MGAT4A: variants seen among roughly 807,000 people sequenced by gnomAD.
The protein encoded by MGAT4A is alpha-1,3-mannosyl-glycoprotein 4-beta-N-acetylglucosaminyltransferase A.
MGAT4A carries 33 observed loss-of-function variants against 74.1 expected under a neutral mutation model. That is an observed-to-expected ratio of 0.45 (90% CI 0.34 to 0.60). The LOEUF is 0.60. Among genes scored for constraint, MGAT4A ranks in the 20% least tolerant of loss-of-function variants. The probability of loss-of-function intolerance (pLI) is 0.02; values close to 1 mark genes in which losing one functional copy is unlikely to be tolerated. For missense variants in MGAT4A, 479 were observed against 628.3 expected (o/e 0.76, Z 2.54); for synonymous variants, 198 against 210.4 (o/e 0.94, Z 0.51).
chr2:98,671,943 C>CAAAAAAAAAAA (rs59955000), intron 4 of MGAT4A, among the ~76,000 whole-genome samples: 2 of 28,640 alleles, frequency 7.0e-5, no homozygotes, highest in Non-Finnish European at 1.3e-4. Flanking sequence ...GTGGAAAAGG[C>CAAAAAAAAAAA]AAAAAAAAAA....
At chr2:98,680,190 C>T (rs571488048) in intron 2 of MGAT4A, among the ~76,000 whole-genome samples, 35 of 151,904 alleles carry the variant, frequency 2.3e-4, no homozygotes, top group African/African-American at 6.5e-4. Flanking sequence ...ATTACAGGCG[C>T]GCGCCACCAC....
chr2:98,620,805 G>C lies in MGAT4A; in HGVS notation c.*4761C>G, dbSNP rs1195368491. The C allele has an allele frequency of 6.6e-6, 1 of 152,136 alleles. No individual in the cohort carries two copies. Among genetic ancestry groups the C allele is most frequent in the African/African-American group, 2.4e-5 (1 of 41,412 alleles). The allele number at this position is 152,136 out of a possible 1,614,324, so 9.4% of individuals were successfully genotyped here. On this transcript the variant is annotated 3_prime_UTR_variant, in exon 16 of 16. Coordinates refer to ENST00000393487, the MANE Select transcript of MGAT4A (RefSeq NM_012214.3). ...TCAGAGCAGTCTAAATCAGTATAAA[G>C]TAACACCTCTTCTAGAAATAAAAAA...
chr2:98,683,886 T>G (rs1702095886), intron 2 of MGAT4A, among the ~76,000 whole-genome samples: 1 of 152,204 alleles, frequency 6.6e-6, no homozygotes, highest in African/African-American at 2.4e-5. Context: ...GTATTTAGTT[T>G]CTAGCCCGGA....
At chr2:98,713,743 T>C (rs1209364280) in intron 2 of MGAT4A, among the ~76,000 whole-genome samples, 1 of 152,226 alleles carries the variant, frequency 6.6e-6, no homozygotes, top group Non-Finnish European at 1.5e-5. Context: ...ATACCTTTTT[T>C]ACTGTTCTGA....
At chr2:98,725,978 TTTAGAA>T in intron 2 of MGAT4A, 1 of 416,306 alleles carries the variant, frequency 2.4e-6, no homozygotes, top group Non-Finnish European at 4.2e-6. Context: ...TTGGCTGTCT[TTTAGAA>T]TATAAAACAC....
In MGAT4A at chr2:98,731,010, G is replaced by A. The variant is rs1016090946; in HGVS notation, c.-236+38C>T. The A allele has an allele frequency of 4.1e-4, 8 of 19,752 alleles. No homozygotes were observed. The East Asian group carries it at 5.8e-3, about 14-fold the overall frequency. 1.2% of individuals were successfully genotyped at this position (19,752 alleles called of 1,614,324 possible). On this transcript the variant is annotated intron_variant, in intron 1 of 15. Transcript: ENST00000393487. This position sits in a 1 kb window ranked among gnomAD's most constrained non-coding sequence, Gnocchi z 4.8. The stretch of plus-strand genomic sequence containing the variant: ...GCGCAGCCGCCCCGCGCCCCCTCCC[G>A]CCCCCGCGCGCCGCCGCTGCCGCCG...
intron 2 of MGAT4A, among the ~76,000 whole-genome samples, chr2:98,712,200 C>T (rs536878381): frequency 6.6e-6 from 1 of 152,336 alleles, no homozygotes; most frequent in South Asian, 2.1e-4. Flanking sequence ...ACAGCGAATA[C>T]CTTTCTCCCC....
chr2:98,655,761 A>C, intron 7 of MGAT4A: 2 of 358,734 alleles, frequency 5.6e-6, no homozygotes, highest in South Asian at 5.5e-5. Context: ...TGAGGAAAAA[A>C]ATGAGTCTAA....
At chr2:98,656,221 C>T in intron 7 of MGAT4A, 131 bp downstream of exon 7, 1 of 708,610 alleles carries the variant, frequency 1.4e-6, no homozygotes, top group Admixed American at 2.7e-5. Flanking sequence ...CGGTCCTGGA[C>T]TTAATGAGAC....
At chr2:98,725,922 T>C (rs1702756043) in intron 2 of MGAT4A, 5 of 401,400 alleles carry the variant, frequency 1.2e-5, no homozygotes, top group Non-Finnish European at 2.2e-5. Context: ...TAATTATGTT[T>C]AGTAAAAAGA....
At chr2:98,649,425 C>T (rs191992994) in intron 8 of MGAT4A, among the ~76,000 whole-genome samples, 3 of 152,238 alleles carry the variant, frequency 2.0e-5, no homozygotes, top group Admixed American at 1.3e-4. Flanking sequence ...ACTCAATTCC[C>T]GACTTCTCCC....
chr2:98,652,391 C>T (rs988472334), intron 8 of MGAT4A, among the ~76,000 whole-genome samples: 2 of 145,178 alleles, frequency 1.4e-5, no homozygotes, highest in South Asian at 2.2e-4. Context: ...AGTGCAGTGG[C>T]GCTATCTCGG....
rs778595164 is a variant in MGAT4A at position 98,680,040 on chromosome 2, C to CTT, written c.95-1571_95-1570dup. 5.8e-3 allele frequency among the ~76,000 whole-genome samples: 764 copies of CTT among 131,028 alleles called. 28 individuals are homozygous for CTT. The highest frequency in any genetic ancestry group is 0.02 in the African/African-American group (692 of 35,402). The allele number at this position is 131,028 out of a possible 152,430, so 86.0% of individuals were successfully genotyped here. On this transcript the variant is annotated intron_variant, in intron 2 of 15. Coordinates refer to ENST00000393487, the MANE Select transcript of MGAT4A (RefSeq NM_012214.3). ...GACACCTAAACAAACCTTAGAAAGG[C>CTT]TTTTTTTTTTTTTTTTCTGAGACAG...
chr2:98,688,006 C>G (rs1254176131), intron 2 of MGAT4A, among the ~76,000 whole-genome samples: 2 of 152,206 alleles, frequency 1.3e-5, no homozygotes, highest in Admixed American at 6.5e-5. Flanking sequence ...CCACCCTTGT[C>G]TGACTCTTCC....
At chr2:98,652,777 A>G (rs1701601276) in intron 8 of MGAT4A, among the ~76,000 whole-genome samples, 1 of 152,000 alleles carries the variant, frequency 6.6e-6, no homozygotes, top group Non-Finnish European at 1.5e-5. Context: ...CACCATGCCC[A>G]GTGAATTTTT....
intron 4 of MGAT4A, among the ~76,000 whole-genome samples, chr2:98,669,429 C>T (rs907348203): frequency 3.3e-5 from 5 of 152,164 alleles, no homozygotes; most frequent in South Asian, 2.1e-4. Context: ...GAGGCCGCCC[C>T]AGCCACGTGG....
chr2:98,714,035 C>G (rs1702556580), intron 2 of MGAT4A, among the ~76,000 whole-genome samples: 1 of 152,220 alleles, frequency 6.6e-6, no homozygotes, highest in Non-Finnish European at 1.5e-5. Context: ...TCTGAAACTA[C>G]TGTACATATA....
Position 98,622,032 on chromosome 2 carries a change from C to T in MGAT4A, c.*3534G>A, listed in dbSNP as rs1474128178. ...AATCACACTGTCTGTTCTGACTACACAGTATGGTACAGCGCGTGATGTGGA... is the reference window on the plus strand; with the variant it reads ...AATCACACTGTCTGTTCTGACTACATAGTATGGTACAGCGCGTGATGTGGA... On this transcript the variant is annotated 3_prime_UTR_variant, in exon 16 of 16. Coordinates refer to ENST00000393487, the MANE Select transcript of MGAT4A (RefSeq NM_012214.3). 6 of 985,902 alleles carry T rather than the reference C, an allele frequency of 6.1e-6. No homozygotes were observed. The highest frequency in any genetic ancestry group is 9.4e-5 in the South Asian group (2 of 21,316). The allele number at this position is 985,902 out of a possible 1,614,324, so 61.1% of individuals were successfully genotyped here. A position where few individuals can be genotyped will look rare whatever the true frequency, so the allele number is the denominator to read the frequency against.
chr2:98,683,549 T>C lies in MGAT4A; in HGVS notation c.95-5078A>G, dbSNP rs1026478046. On this transcript the variant is annotated intron_variant, in intron 2 of 15. Transcript: ENST00000393487. ...TCCTTGCAACTCTTCATTTCATCAT[T>C]TTTTTTTTTAATACAATGATGCTTT... Among the ~76,000 whole-genome samples the C allele has an allele frequency of 2.8e-5, 4 of 140,454 alleles. No homozygotes were observed. In the South Asian group the frequency reaches 8.8e-4, roughly 31 times the overall value. The allele number at this position is 140,454 out of a possible 152,430, so 92.1% of individuals were successfully genotyped here. A position where few individuals can be genotyped will look rare whatever the true frequency, so the allele number is the denominator to read the frequency against.
Sources: gnomAD v4.1 joint callset for allele counts (sites outside exome capture counted in the v4.1 genomes callset) on GRCh38, gnomAD v4.1.1 for gene constraint, Gnocchi (gnomAD v3.1) non-coding constraint, MANE v1.5 for transcripts, NCBI Gene and HGNC (gene_info 2026-07-23, HGNC 2026-07-21) for gene names.